The following ME3 variants were observed in gnomAD, a reference collection of about 807,000 sequenced individuals.
ME3 encodes the protein malic enzyme 3.
Under a neutral mutation model 68.9 loss-of-function variants are expected in ME3, and 48 were observed. The observed-to-expected ratio is 0.70, with a 90% CI of 0.55 to 0.89. The LOEUF (loss-of-function observed/expected upper bound fraction) is 0.89, where lower values mean the gene tolerates loss of function less well. Among genes scored for constraint, ME3 ranks in the 40% least tolerant of loss-of-function variants. The pLI is 0.00. For missense variants in ME3, 675 were observed against 797.4 expected, an observed-to-expected ratio of 0.85 and a Z score of 1.85; for synonymous variants, 320 against 318.8, an observed-to-expected ratio of 1.00 and a Z score of -0.04.
intron 4 of ME3, among the ~76,000 whole-genome samples, chr11:86,550,155 C>T (rs914706219): frequency 6.6e-6 from 1 of 152,076 alleles, no homozygotes; most frequent in East Asian, 1.9e-4. Context: ...AGTGCACAGC[C>T]GGGACTGAGA....
chr11:86,648,198 C>T lies in ME3; in HGVS notation c.183+23564G>A, dbSNP rs191084504. 2.9e-3 allele frequency among the ~76,000 whole-genome samples: 435 copies of T among 152,270 alleles called. 4 individuals carry two copies. Among genetic ancestry groups the T allele is most frequent in the African/African-American group, 9.9e-3 (411 of 41,558 alleles). On this transcript the variant is annotated intron_variant, in intron 2 of 14. Transcript: ENST00000543262. ...AAACTAAGGCAGAAATCAAGAAGTT[C>T]TTTGAAACCAGTGAGAACAAAGATA...
intron 2 of ME3, among the ~76,000 whole-genome samples, chr11:86,617,129 T>C (rs1228243606): frequency 7.0e-6 from 1 of 143,878 alleles, no homozygotes; most frequent in Non-Finnish European, 1.5e-5. Flanking sequence ...TTTTCAGTTC[T>C]GGGTCTGGCA....
At chr11:86,609,993 A>G (rs757513944) in intron 2 of ME3, among the ~76,000 whole-genome samples, 10 of 152,224 alleles carry the variant, frequency 6.6e-5, no homozygotes, top group Non-Finnish European at 1.0e-4. Flanking sequence ...CAACCCTTCA[A>G]GGGTATAAAC....
chr11:86,665,544 GCAT>G (rs1336746172), intron 2 of ME3, among the ~76,000 whole-genome samples: 3 of 152,000 alleles, frequency 2.0e-5, no homozygotes, highest in African/African-American at 7.3e-5. Flanking sequence ...AAGTTAGAGA[GCAT>G]CAATATGAAA....
intron 2 of ME3, among the ~76,000 whole-genome samples, chr11:86,560,770 A>ATATATATATATATATATATATATATATT: frequency 7.6e-6 from 1 of 132,154 alleles, no homozygotes; most frequent in East Asian, 2.4e-4. Flanking sequence ...ATATATATAT[A>ATATATATATATATATATATATATATATT]TATTTCCAGG....
At chr11:86,563,734 A>C (rs749766201) in intron 2 of ME3, among the ~76,000 whole-genome samples, 15 of 151,886 alleles carry the variant, frequency 9.9e-5, no homozygotes, top group Non-Finnish European at 2.2e-4. Flanking sequence ...GTCTTTGTCA[A>C]CCTTGTTGAT....
At chr11:86,485,354 A>G (rs902161524) in intron 7 of ME3, among the ~76,000 whole-genome samples, 1 of 152,174 alleles carries the variant, frequency 6.6e-6, no homozygotes, top group African/African-American at 2.4e-5. Flanking sequence ...TTAACCCTCA[A>G]TGTAGCTTCT....
intron 2 of ME3, among the ~76,000 whole-genome samples, chr11:86,605,065 T>C (rs1249556180): frequency 6.6e-6 from 1 of 152,210 alleles, no homozygotes; most frequent in Non-Finnish European, 1.5e-5. Context: ...TAGATTTCAC[T>C]ATTCTGGATA....
intron 2 of ME3, among the ~76,000 whole-genome samples, chr11:86,647,080 C>G (rs191084882): frequency 2.0e-5 from 3 of 152,174 alleles, no homozygotes; most frequent in African/African-American, 7.2e-5. Flanking sequence ...AAAACTGGTA[C>G]CAGCCACTGC....
intron 2 of ME3, among the ~76,000 whole-genome samples, chr11:86,633,832 C>T (rs927887252): frequency 6.6e-6 from 1 of 152,138 alleles, no homozygotes; most frequent in Non-Finnish European, 1.5e-5. Context: ...ACATGTCCAC[C>T]ATCTAGAGGG....
chr11:86,635,166 C>T (rs1395936369), intron 2 of ME3, among the ~76,000 whole-genome samples: 1 of 152,310 alleles, frequency 6.6e-6, no homozygotes, highest in East Asian at 1.9e-4. Context: ...TAGTGCACAC[C>T]TGTAGTCACA....
chr11:86,531,579 G>C (rs1417584851), intron 4 of ME3, among the ~76,000 whole-genome samples: 1 of 152,212 alleles, frequency 6.6e-6, no homozygotes, highest in Non-Finnish European at 1.5e-5. Context: ...ATTCAGAATA[G>C]CAAAGACTTG....
chr11:86,493,970 C>G (rs1249336018), intron 6 of ME3, among the ~76,000 whole-genome samples: 1 of 151,876 alleles, frequency 6.6e-6, no homozygotes, highest in Non-Finnish European at 1.5e-5. Flanking sequence ...GCCAAGCTTC[C>G]CTCTGTTACA....
intron 2 of ME3, among the ~76,000 whole-genome samples, chr11:86,651,365 T>C (rs955604188): frequency 1.3e-5 from 2 of 152,172 alleles, no homozygotes; most frequent in African/African-American, 4.8e-5. Context: ...GACTGACACC[T>C]CACATGGCCG....
intron 8 of ME3, among the ~76,000 whole-genome samples, chr11:86,463,136 T>TG (rs1317957337): frequency 6.6e-6 from 1 of 152,004 alleles, no homozygotes; most frequent in Non-Finnish European, 1.5e-5. Flanking sequence ...CGGATGGGCC[T>TG]GGGGGGCTGC....
intron 2 of ME3, among the ~76,000 whole-genome samples, chr11:86,637,349 CAAAAAA>C (rs11402713): frequency 8.2e-6 from 1 of 122,080 alleles, no homozygotes. Context: ...ACAAGAAGCA[CAAAAAA>C]AAAAAAAAAA....
intron 3 of ME3, among the ~76,000 whole-genome samples, chr11:86,557,147 A>G (rs759841412): frequency 1.3e-5 from 2 of 152,190 alleles, no homozygotes; most frequent in Non-Finnish European, 2.9e-5. Context: ...CAATAGCATA[A>G]TAATATTCTG....
intron 2 of ME3, among the ~76,000 whole-genome samples, chr11:86,656,241 A>C (rs1183059174): frequency 6.6e-6 from 1 of 151,916 alleles, no homozygotes; most frequent in Admixed American, 6.6e-5. Flanking sequence ...CAGCCATCCC[A>C]TTACTGGATA....
intron 2 of ME3, among the ~76,000 whole-genome samples, chr11:86,656,512 A>T (rs1474715802): frequency 6.7e-6 from 1 of 149,492 alleles, no homozygotes; most frequent in Non-Finnish European, 1.5e-5. Flanking sequence ...AAAACCAAAC[A>T]CTTCATGTTC....
Sources: allele counts gnomAD v4.1 joint callset (sites outside exome capture counted in the v4.1 genomes callset), GRCh38; gene constraint gnomAD v4.1.1; transcripts MANE v1.5; gene names NCBI Gene and HGNC (gene_info 2026-07-23, HGNC 2026-07-21).